The following PTCSC3 variants were observed in gnomAD, a reference collection of about 807,000 sequenced individuals.
The protein encoded by PTCSC3 is papillary thyroid carcinoma susceptibility candidate 3 (non-protein coding).
chr14:36,168,209 G>A lies in PTCSC3; in HGVS notation n.172-5526C>T, dbSNP rs958398394. Among the ~76,000 whole-genome samples the A allele has an allele frequency of 5.9e-5, 9 of 151,912 alleles. No individual in the cohort carries two copies. In the South Asian group the frequency reaches 1.9e-3, roughly 32 times the overall value. ...CTTTTTCGTCAAGCTAGTTTCATGT[G>A]TGTTGTCTGTGTTCTAGAAAATGGA... On this transcript the variant is annotated intron_variant and non_coding_transcript_variant, in intron 1 of 3. Coordinates refer to ENST00000556013, the Ensembl canonical transcript of PTCSC3.
rs565349589 is a variant in PTCSC3, at chr14:36,149,650, G to T, written n.322+4154C>A. On this transcript the variant is annotated intron_variant and non_coding_transcript_variant, in intron 3 of 3. Transcript: ENST00000556013. ...TTTGCATAATGTATTCTGGTTCTCT[G>T]AATACACATTAATTATTATGTCTTT... Among the ~76,000 whole-genome samples, 13 of 152,184 alleles carry T rather than the reference G, an allele frequency of 8.5e-5. No homozygotes were observed. In the East Asian group the frequency reaches 2.5e-3, roughly 29 times the overall value.
chr14:36,158,160 T>C (rs1177998407), intron 2 of PTCSC3, among the ~76,000 whole-genome samples: 6 of 152,164 alleles, frequency 3.9e-5, no homozygotes, highest in Non-Finnish European at 8.8e-5. Context: ...TGGGCTGAGA[T>C]GATGGGGTTT....
chr14:36,170,144 G>A (rs185806269), intron 1 of PTCSC3, among the ~76,000 whole-genome samples: 116 of 152,046 alleles, frequency 7.6e-4, no homozygotes, highest in African/African-American at 2.7e-3. Context: ...GTGTACCTAT[G>A]TTCTTGCTTG....
intron 1 of PTCSC3, among the ~76,000 whole-genome samples, chr14:36,167,173 C>A (rs983897811): frequency 2.0e-5 from 3 of 152,200 alleles, no homozygotes; most frequent in African/African-American, 4.8e-5. Flanking sequence ...TATTTCAGTA[C>A]TTTTTCTCCT....
At chr14:36,151,350 C>T (rs1344526567) in intron 3 of PTCSC3, among the ~76,000 whole-genome samples, 1 of 151,452 alleles carries the variant, frequency 6.6e-6, no homozygotes, top group Non-Finnish European at 1.5e-5. Context: ...GTTGGGATAT[C>T]ATATGCCTAA....
intron 3 of PTCSC3, among the ~76,000 whole-genome samples, chr14:36,139,128 A>T (rs920317587): frequency 1.3e-4 from 20 of 151,296 alleles, no homozygotes; most frequent in Middle Eastern, 3.4e-3. Context: ...ATAAAAAAAA[A>T]AAAAAAAAAA....
chr14:36,172,080 G>A (rs890182675), intron 1 of PTCSC3, among the ~76,000 whole-genome samples: 1 of 152,176 alleles, frequency 6.6e-6, no homozygotes, highest in African/African-American at 2.4e-5. Context: ...CTTCCTTGAT[G>A]AATTTAATAA....
intron 3 of PTCSC3, among the ~76,000 whole-genome samples, chr14:36,140,508 T>C (rs1310398131): frequency 6.6e-6 from 1 of 152,230 alleles, no homozygotes; most frequent in African/African-American, 2.4e-5. Flanking sequence ...CAGCCTTTGA[T>C]ATTGTCAGGT....
At chr14:36,150,907 A>G (rs543728782) in intron 3 of PTCSC3, among the ~76,000 whole-genome samples, 1 of 151,336 alleles carries the variant, frequency 6.6e-6, no homozygotes, top group Non-Finnish European at 1.5e-5. Context: ...ACAATTATAT[A>G]TTACATAAGA....
chr14:36,163,203 T>A (rs531949100), intron 1 of PTCSC3, among the ~76,000 whole-genome samples: 6 of 151,854 alleles, frequency 4.0e-5, no homozygotes, highest in South Asian at 2.1e-4. Context: ...CAAGAGTCCA[T>A]CTCTAAAAAC....
intron 1 of PTCSC3, among the ~76,000 whole-genome samples, chr14:36,163,172 A>C (rs955851918): frequency 6.6e-6 from 1 of 152,144 alleles, no homozygotes; most frequent in Non-Finnish European, 1.5e-5. Context: ...TAGGGGTCTG[A>C]AGCCAGCTGG....
chr14:36,162,870 G>T (rs1273147332), intron 1 of PTCSC3, among the ~76,000 whole-genome samples: 1 of 152,196 alleles, frequency 6.6e-6, no homozygotes, highest in East Asian at 1.9e-4. Flanking sequence ...TCCAGGTATT[G>T]ACTTGAGACC....
At chr14:36,153,994 A>C (rs1250381387) in intron 2 of PTCSC3, 1 of 149,318 alleles carries the variant, frequency 6.7e-6, no homozygotes, top group Non-Finnish European at 1.5e-5. Flanking sequence ...TGAGCCTGGG[A>C]GGTCGAGCCT....
intron 3 of PTCSC3, among the ~76,000 whole-genome samples, chr14:36,151,903 C>G: frequency 6.6e-6 from 1 of 152,186 alleles, no homozygotes; most frequent in East Asian, 1.9e-4. Flanking sequence ...GAATTTTTCT[C>G]AGATGTTCAC....
intron 3 of PTCSC3, among the ~76,000 whole-genome samples, chr14:36,152,666 G>C (rs777797580): frequency 6.6e-5 from 10 of 152,112 alleles, no homozygotes; most frequent in African/African-American, 7.2e-5. Flanking sequence ...GTCGAGGCAG[G>C]CAGATCACCT....
intron 3 of PTCSC3, among the ~76,000 whole-genome samples, chr14:36,152,885 C>A (rs1242479218): frequency 1.4e-5 from 2 of 144,114 alleles, no homozygotes; most frequent in African/African-American, 5.1e-5. Context: ...CAGAGCGAGA[C>A]TCCATCTCGA....
chr14:36,149,833 A>G (rs755582128), intron 3 of PTCSC3, among the ~76,000 whole-genome samples: 4 of 151,978 alleles, frequency 2.6e-5, no homozygotes, highest in Admixed American at 6.6e-5. Context: ...TTTACTTTTA[A>G]TCTGCATTTC....
chr14:36,173,311 A>G (rs775339795), intron 1 of PTCSC3, among the ~76,000 whole-genome samples: 1 of 152,154 alleles, frequency 6.6e-6, no homozygotes, highest in Non-Finnish European at 1.5e-5. Flanking sequence ...CACATATTAG[A>G]TGAGTCAGAC....
At chr14:36,147,265 T>C (rs1336274378) in intron 3 of PTCSC3, among the ~76,000 whole-genome samples, 2 of 152,186 alleles carry the variant, frequency 1.3e-5, no homozygotes, top group African/African-American at 2.4e-5. Flanking sequence ...TGTTTTCCAA[T>C]TTGGTTCCAT....
Sources: allele counts gnomAD v4.1 joint callset (sites outside exome capture counted in the v4.1 genomes callset), GRCh38; gene constraint gnomAD v4.1.1; transcripts MANE v1.5; gene names NCBI Gene and HGNC (gene_info 2026-07-23, HGNC 2026-07-21).